SLC16A10: variants seen among roughly 807,000 people sequenced by gnomAD.
SLC16A10 encodes the protein solute carrier family 16 member 10.
In SLC16A10, 27 loss-of-function variants were observed where a neutral mutation model predicts 40.0. The observed-to-expected ratio is 0.67, with a 90% CI of 0.50 to 0.93. The LOEUF (loss-of-function observed/expected upper bound fraction) is 0.93. SLC16A10 is among the 40% of genes least tolerant of loss of function. SLC16A10 has a pLI of 0.00. For synonymous variants in SLC16A10, 213 were observed against 249.8 expected (o/e 0.85, Z 1.39); for missense variants, 529 against 658.2 (o/e 0.80, Z 2.15).
intron 4 of SLC16A10, among the ~76,000 whole-genome samples, chr6:111,212,542 C>G (rs1330650697): frequency 6.6e-6 from 1 of 152,030 alleles, no homozygotes; most frequent in African/African-American, 2.4e-5. Context: ...CCTATAATCC[C>G]AGCGCTTTGG....
chr6:111,206,775 C>G (rs770719551), intron 4 of SLC16A10, 40 bp downstream of exon 4: 9 of 1,598,340 alleles, frequency 5.6e-6, no homozygotes, highest in Non-Finnish European at 7.7e-6. Flanking sequence ...AAAAATTACT[C>G]TCATCACCCG....
chr6:111,161,316 G>A (rs1249304380), intron 1 of SLC16A10, among the ~76,000 whole-genome samples: 1 of 150,670 alleles, frequency 6.6e-6, no homozygotes, highest in Non-Finnish European at 1.5e-5. Flanking sequence ...CAAATGGGAA[G>A]ACAGGTTCTC....
chr6:111,147,794 A>G (rs1003735918), intron 1 of SLC16A10, among the ~76,000 whole-genome samples: 1 of 152,184 alleles, frequency 6.6e-6, no homozygotes, highest in African/African-American at 2.4e-5. Context: ...ACATAGAACA[A>G]CAGATGTGGA....
chr6:111,121,987 A>T (rs1259196409), intron 1 of SLC16A10, among the ~76,000 whole-genome samples: 1 of 152,176 alleles, frequency 6.6e-6, no homozygotes, highest in Admixed American at 6.5e-5. Flanking sequence ...CTGGCACCCC[A>T]GGCCCTTCTT....
intron 2 of SLC16A10, among the ~76,000 whole-genome samples, chr6:111,173,235 A>G (rs1427443988): frequency 6.6e-6 from 1 of 152,216 alleles, no homozygotes; most frequent in Non-Finnish European, 1.5e-5. Context: ...GGTGTTTTAA[A>G]GTAGCTGTTC....
intron 1 of SLC16A10, among the ~76,000 whole-genome samples, chr6:111,140,340 G>T (rs1253997129): frequency 6.6e-6 from 1 of 152,098 alleles, no homozygotes; most frequent in Non-Finnish European, 1.5e-5. Context: ...GTGTGCACCT[G>T]TAGTCCCAGC....
At chr6:111,215,197 A>T (rs1773401360) in intron 4 of SLC16A10, among the ~76,000 whole-genome samples, 1 of 152,182 alleles carries the variant, frequency 6.6e-6, no homozygotes, top group Admixed American at 6.5e-5. Flanking sequence ...TACTTGAATA[A>T]TTTTTACAAA....
chr6:111,088,077 A>G lies in SLC16A10; in HGVS notation c.325A>G (p.Lys109Glu). 25 of 1,605,838 alleles carry G rather than the reference A, an allele frequency of 1.6e-5. No individual in the cohort carries two copies. Among genetic ancestry groups the G allele is most frequent in the Non-Finnish European group, 2.1e-5 (25 of 1,176,520 alleles). ...AACCTTCGGCTCCAAAGACGATGACAAGATGGTCTTTAAGACAGGTGAGGC... is the reference window on the plus strand; with the variant it reads ...AACCTTCGGCTCCAAAGACGATGACGAGATGGTCTTTAAGACAGGTGAGGC... ...LETFGSKDDD[K>E]MVFKTAWVGS... The change falls in exon 1 of 6, where the codon AAG (lysine) becomes GAG (glutamate). Residue 109 changes from lysine (K) to glutamate (E), a missense_variant. By Grantham distance (56) the Lys-to-Glu change is moderately conservative. Coordinates refer to ENST00000368851, the MANE Select transcript of SLC16A10 (RefSeq NM_018593.5).
chr6:111,156,760 CTAA>C (rs1313756867), intron 1 of SLC16A10, among the ~76,000 whole-genome samples: 1 of 151,958 alleles, frequency 6.6e-6, no homozygotes, highest in Non-Finnish European at 1.5e-5. Context: ...ATGTTTGTTA[CTAA>C]TAATGTATCA....
chr6:111,097,373 G>A (rs979069843), intron 1 of SLC16A10, among the ~76,000 whole-genome samples: 1 of 151,926 alleles, frequency 6.6e-6, no homozygotes, highest in Non-Finnish European at 1.5e-5. Context: ...GTGCAGTGGC[G>A]TGATCTCGGC....
At chr6:111,217,011 TA>T (rs1773436735) in intron 4 of SLC16A10, among the ~76,000 whole-genome samples, 2 of 152,136 alleles carry the variant, frequency 1.3e-5, no homozygotes, top group Non-Finnish European at 2.9e-5. Flanking sequence ...CGTAGGTCCG[TA>T]GGTGTGCTAG....
chr6:111,091,878 G>C (rs1350287971), intron 1 of SLC16A10, among the ~76,000 whole-genome samples: 4 of 152,190 alleles, frequency 2.6e-5, no homozygotes, highest in Non-Finnish European at 5.9e-5. Flanking sequence ...GCTCTGTCCT[G>C]GGGACTGGAG....
chr6:111,118,811 C>T (rs764490852), intron 1 of SLC16A10, among the ~76,000 whole-genome samples: 5 of 151,288 alleles, frequency 3.3e-5, no homozygotes, highest in Non-Finnish European at 5.9e-5. Context: ...ACTTGCCTTT[C>T]CTGCCACACA....
intron 1 of SLC16A10, among the ~76,000 whole-genome samples, chr6:111,139,184 T>G (rs922588944): frequency 9.2e-5 from 14 of 151,598 alleles, no homozygotes; most frequent in Non-Finnish European, 1.9e-4. Flanking sequence ...ATTAACAGTC[T>G]TATTAAGAAA....
intron 1 of SLC16A10, among the ~76,000 whole-genome samples, chr6:111,164,636 A>G (rs1443160816): frequency 6.6e-6 from 1 of 152,150 alleles, no homozygotes; most frequent in African/African-American, 2.4e-5. Context: ...ATTATGGTGT[A>G]TGCCTGTAGT....
At chr6:111,206,081 CTTTTTT>C (rs200318165) in intron 3 of SLC16A10, among the ~76,000 whole-genome samples, 2 of 143,010 alleles carry the variant, frequency 1.4e-5, no homozygotes, top group African/African-American at 5.1e-5. Flanking sequence ...TATAAACATG[CTTTTTT>C]TTTTTTTTGG....
At chr6:111,196,732 T>C (rs1189974314) in intron 3 of SLC16A10, among the ~76,000 whole-genome samples, 2 of 152,050 alleles carry the variant, frequency 1.3e-5, no homozygotes. Context: ...GTGTAGAGCA[T>C]TGAAATATAA....
chr6:111,156,185 A>G (rs895782896), intron 1 of SLC16A10, among the ~76,000 whole-genome samples: 1 of 152,244 alleles, frequency 6.6e-6, no homozygotes, highest in Non-Finnish European at 1.5e-5. Context: ...AAATAAATAA[A>G]TGTGGGAGAC....
intron 1 of SLC16A10, among the ~76,000 whole-genome samples, chr6:111,142,857 C>T (rs757426547): frequency 6.6e-6 from 1 of 152,214 alleles, no homozygotes; most frequent in African/African-American, 2.4e-5. Flanking sequence ...CCAACAATTG[C>T]AGTCCTTGAT....
Sources: gnomAD v4.1 joint callset for allele counts (sites outside exome capture counted in the v4.1 genomes callset) on GRCh38, gnomAD v4.1.1 for gene constraint, MANE v1.5 for transcripts, NCBI Gene and HGNC (gene_info 2026-07-23, HGNC 2026-07-21) for gene names.